The following EXOC4 variants were observed in gnomAD, a reference collection of about 807,000 sequenced individuals.
EXOC4 encodes exocyst complex component 4.
A neutral mutation model predicts 107.2 loss-of-function variants in EXOC4; 71 were observed. That is an observed-to-expected ratio of 0.66 (90% confidence interval 0.55 to 0.81). The LOEUF (loss-of-function observed/expected upper bound fraction) is 0.81. EXOC4 is among the 30% of genes least tolerant of loss of function. EXOC4 has a pLI of 0.00. For missense variants in EXOC4, 1,108 were observed against 1,189.6 expected, an observed-to-expected ratio of 0.93 and a Z score of 1.01; for synonymous variants, 456 against 441.2, an observed-to-expected ratio of 1.03 and a Z score of -0.42.
chr7:133,363,286 G>A (rs1489114067), intron 6 of EXOC4, among the ~76,000 whole-genome samples: 1 of 151,928 alleles, frequency 6.6e-6, no homozygotes, highest in African/African-American at 2.4e-5. Context: ...ACAAATGAAA[G>A]GATAATTTTT....
chr7:133,959,715 AT>A (rs1800897482), intron 14 of EXOC4, among the ~76,000 whole-genome samples: 1 of 152,074 alleles, frequency 6.6e-6, no homozygotes, highest in African/African-American at 2.4e-5. Flanking sequence ...GAAAAAAAAA[AT>A]AAAAGTTTTT....
chr7:133,439,559 A>G (rs1798059634), intron 7 of EXOC4, among the ~76,000 whole-genome samples: 1 of 152,176 alleles, frequency 6.6e-6, no homozygotes, highest in African/African-American at 2.4e-5. Context: ...GTGAAATAAT[A>G]TGTATCATAT....
intron 7 of EXOC4, among the ~76,000 whole-genome samples, chr7:133,437,657 T>C (rs1798006851): frequency 6.6e-6 from 1 of 152,212 alleles, no homozygotes. Flanking sequence ...CTGTGATGTT[T>C]CCATACTGAT....
chr7:133,354,614 C>T (rs1033156937), intron 5 of EXOC4, among the ~76,000 whole-genome samples: 21 of 152,188 alleles, frequency 1.4e-4, no homozygotes, highest in Admixed American at 1.0e-3. Flanking sequence ...GGAGGAGGTG[C>T]AACAACAATT....
intron 11 of EXOC4, among the ~76,000 whole-genome samples, chr7:133,886,874 A>G (rs1799097413): frequency 6.6e-6 from 1 of 152,212 alleles, no homozygotes; most frequent in Non-Finnish European, 1.5e-5. Context: ...AAATTCTTGA[A>G]AAATGGAAAC....
At chr7:133,793,800 C>A (rs112719131) in intron 10 of EXOC4, among the ~76,000 whole-genome samples, 5 of 152,024 alleles carry the variant, frequency 3.3e-5, no homozygotes, top group South Asian at 4.2e-4. Flanking sequence ...GCCAAAATCG[C>A]GCCTCTGCAC....
chr7:133,597,776 TGA>T (rs910773198), intron 9 of EXOC4, among the ~76,000 whole-genome samples: 2 of 151,968 alleles, frequency 1.3e-5, no homozygotes, highest in African/African-American at 4.8e-5. Flanking sequence ...TTTGGGAGGC[TGA>T]GGTGGGCAGA....
rs768440625 is a variant in EXOC4 at position 133,480,116 on chromosome 7, T to C, written c.1395T>C (p.Tyr465=). ...TGCGAGAACAGAGAAGGGAGCTCTATAGTCGGAGTGGAGAACTGCAAGGTG... is the reference window on the plus strand; with the variant it reads ...TGCGAGAACAGAGAAGGGAGCTCTACAGTCGGAGTGGAGAACTGCAAGGTG... The part of the protein sequence containing the change: ...AYLREQRREL[Y]SRSGELQGGP... Residue 465 remains tyrosine (Y), a synonymous_variant, in exon 9 of 18, where the codon TAT becomes TAC. Coordinates refer to ENST00000253861, the MANE Select transcript of EXOC4 (RefSeq NM_021807.4). 1.1e-5 allele frequency: 17 copies of C among 1,614,052 alleles called. No homozygotes were observed. The highest frequency in any genetic ancestry group is 1.7e-4 in the Middle Eastern group (1 of 6,042).
chr7:133,437,317 GA>G (rs1238025826), intron 7 of EXOC4, among the ~76,000 whole-genome samples: 1 of 151,944 alleles, frequency 6.6e-6, no homozygotes, highest in Non-Finnish European at 1.5e-5. Flanking sequence ...ATTTATGAGA[GA>G]AAAAAATGGA....
At chr7:133,668,858 G>GGTC (rs1476683323) in intron 10 of EXOC4, among the ~76,000 whole-genome samples, 1 of 152,112 alleles carries the variant, frequency 6.6e-6, no homozygotes, top group Non-Finnish European at 1.5e-5. Context: ...AGCCTCCAGG[G>GGTC]GTCACTGGTA....
intron 9 of EXOC4, among the ~76,000 whole-genome samples, chr7:133,487,455 T>C (rs1179925124): frequency 1.3e-5 from 2 of 152,206 alleles, no homozygotes; most frequent in African/African-American, 4.8e-5. Flanking sequence ...ACTCCTGTAA[T>C]CCCCTCTCTT....
chr7:133,553,100 T>G (rs1245247144), intron 9 of EXOC4, among the ~76,000 whole-genome samples: 9 of 152,194 alleles, frequency 5.9e-5, no homozygotes, highest in Non-Finnish European at 1.2e-4. Flanking sequence ...ACTGATTGAT[T>G]CTTTATTGAT....
chr7:133,365,611 C>T (rs1251959823), intron 6 of EXOC4, among the ~76,000 whole-genome samples: 1 of 152,164 alleles, frequency 6.6e-6, no homozygotes, highest in Non-Finnish European at 1.5e-5. Flanking sequence ...TTTCATAGAG[C>T]AGATGGAGAA....
At chr7:133,457,567 G>T (rs1003735382) in intron 7 of EXOC4, among the ~76,000 whole-genome samples, 1 of 152,122 alleles carries the variant, frequency 6.6e-6, no homozygotes, top group Non-Finnish European at 1.5e-5. Flanking sequence ...ATACTTGTTG[G>T]ATTGAATCAG....
intron 10 of EXOC4, among the ~76,000 whole-genome samples, chr7:133,635,585 G>C (rs1352927244): frequency 6.6e-6 from 1 of 152,132 alleles, no homozygotes; most frequent in African/African-American, 2.4e-5. Flanking sequence ...ATATTGGTAG[G>C]AGCATTGCTA....
intron 7 of EXOC4, among the ~76,000 whole-genome samples, chr7:133,440,030 TA>T (rs1402100991): frequency 3.9e-5 from 6 of 152,144 alleles, no homozygotes; most frequent in East Asian, 1.9e-4. Flanking sequence ...TTAAAGGCAT[TA>T]AAAAAATAAA....
chr7:133,946,364 C>G (rs1375250121), intron 14 of EXOC4, among the ~76,000 whole-genome samples: 1 of 152,190 alleles, frequency 6.6e-6, no homozygotes, highest in Non-Finnish European at 1.5e-5. Context: ...CCCTGCCTGA[C>G]TCTAAATATA....
At chr7:133,545,402 G>A (rs540469664) in intron 9 of EXOC4, among the ~76,000 whole-genome samples, 2 of 151,934 alleles carry the variant, frequency 1.3e-5, no homozygotes, top group African/African-American at 2.4e-5. Context: ...GCCTAGAACC[G>A]CAGAAAACTT....
intron 9 of EXOC4, among the ~76,000 whole-genome samples, chr7:133,606,573 G>A (rs1801953205): frequency 6.7e-6 from 1 of 150,144 alleles, no homozygotes; most frequent in African/African-American, 2.5e-5. Flanking sequence ...GGAGTGCAGT[G>A]GTGCATTCTC....
Sources: gnomAD v4.1 joint callset for allele counts (sites outside exome capture counted in the v4.1 genomes callset) on GRCh38, gnomAD v4.1.1 for gene constraint, MANE v1.5 for transcripts, NCBI Gene and HGNC (gene_info 2026-07-23, HGNC 2026-07-21) for gene names.